The following KIAA0513 variants were observed in gnomAD, a reference collection of about 807,000 sequenced individuals.
The protein encoded by KIAA0513 is uncharacterized protein KIAA0513.
A neutral mutation model predicts 56.5 loss-of-function variants in KIAA0513; 39 were observed. The observed-to-expected ratio is 0.69, with a 90% CI of 0.53 to 0.90. KIAA0513 has a LOEUF of 0.90. Among genes scored for constraint, KIAA0513 ranks in the 40% least tolerant of loss-of-function variants. The pLI is 0.00. For synonymous variants in KIAA0513, 268 were observed against 215.6 expected (o/e 1.24, Z -2.13); for missense variants, 591 against 535.2 (o/e 1.10, Z -1.03).
chr16:85,061,615 G>A (rs184858094), intron 1 of KIAA0513, among the ~76,000 whole-genome samples: 66 of 152,332 alleles, frequency 4.3e-4, no homozygotes, highest in Admixed American at 3.3e-3. Flanking sequence ...CTCACAGAAA[G>A]TTCCAGATTC....
chr16:85,051,079 A>T (rs1221758203), intron 1 of KIAA0513, among the ~76,000 whole-genome samples: 1 of 152,056 alleles, frequency 6.6e-6, no homozygotes, highest in Non-Finnish European at 1.5e-5. Context: ...TAGGAATTTG[A>T]GGTTAACATT....
chr16:85,061,022 G>T (rs755056805), intron 1 of KIAA0513, among the ~76,000 whole-genome samples: 8 of 151,758 alleles, frequency 5.3e-5, no homozygotes, highest in African/African-American at 1.9e-4. Flanking sequence ...GCATGGTGGC[G>T]GGAGCCTGTA....
intron 1 of KIAA0513, among the ~76,000 whole-genome samples, chr16:85,053,672 C>A (rs2073286335): frequency 6.6e-6 from 1 of 152,026 alleles, no homozygotes; most frequent in African/African-American, 2.4e-5. Context: ...TCAGCCCAGG[C>A]AATATAGTGA....
At chr16:85,029,212 A>G (rs1311447468) in intron 1 of KIAA0513, among the ~76,000 whole-genome samples, 1 of 152,210 alleles carries the variant, frequency 6.6e-6, no homozygotes, top group Non-Finnish European at 1.5e-5. Context: ...AAGTTGACTC[A>G]TGAGATTTTT....
chr16:85,040,546 A>G (rs1309187782), intron 1 of KIAA0513, among the ~76,000 whole-genome samples: 2 of 152,086 alleles, frequency 1.3e-5, no homozygotes, highest in African/African-American at 2.4e-5. Context: ...AAGAAACTCC[A>G]ATGTCCATCA....
chr16:85,037,826 C>G (rs2073054873), intron 1 of KIAA0513, among the ~76,000 whole-genome samples: 1 of 152,168 alleles, frequency 6.6e-6, no homozygotes, highest in African/African-American at 2.4e-5. Context: ...AGTAGCATCT[C>G]TCACGTCCTC....
chr16:85,082,342 C>A (rs1567546360), intron 9 of KIAA0513, among the ~76,000 whole-genome samples: 1 of 152,072 alleles, frequency 6.6e-6, no homozygotes, highest in Non-Finnish European at 1.5e-5. Context: ...TGCCAGGAGA[C>A]CAGAACAGGG....
rs1287302121 is a variant in KIAA0513 at position 85,091,645 on chromosome 16, T to G, written c.*3320T>G. 1.3e-5 allele frequency: 2 copies of G among 152,232 alleles called. No homozygotes were observed. The highest frequency in any genetic ancestry group is 2.9e-5 in the Non-Finnish European group (2 of 68,060). 9.4% of individuals were successfully genotyped at this position (152,232 alleles called of 1,614,324 possible). ...ACCAAGTCTCGTCTTCTTTCCTTCC[T>G]GTGAGTTGAAACCAAACAGGCCTCT... On this transcript the variant is annotated 3_prime_UTR_variant, in exon 13 of 13. Coordinates refer to ENST00000683363, the MANE Select transcript of KIAA0513 (RefSeq NM_001388359.1).
At chr16:85,047,516 G>T (rs947398178) in intron 1 of KIAA0513, among the ~76,000 whole-genome samples, 6 of 152,324 alleles carry the variant, frequency 3.9e-5, no homozygotes, top group Admixed American at 2.6e-4. Flanking sequence ...AAAGCCAGCG[G>T]GTTTTTCACC....
At chr16:85,034,050 A>G (rs2073002657) in intron 1 of KIAA0513, among the ~76,000 whole-genome samples, 2 of 151,886 alleles carry the variant, frequency 1.3e-5, no homozygotes, top group Non-Finnish European at 2.9e-5. Flanking sequence ...TCGCCACAGC[A>G]CATCTGTTGG....
chr16:85,085,870 A>C (rs748280116), intron 10 of KIAA0513, among the ~76,000 whole-genome samples: 39 of 152,348 alleles, frequency 2.6e-4, no homozygotes, highest in South Asian at 2.5e-3. Flanking sequence ...ATGCCGTCTT[A>C]CTGGGTTTTC....
chr16:85,070,568 C>A (rs2073558487), intron 2 of KIAA0513, among the ~76,000 whole-genome samples: 1 of 152,128 alleles, frequency 6.6e-6, no homozygotes, highest in Non-Finnish European at 1.5e-5. Context: ...ATCCCTGCTA[C>A]TCGGGAGGCT....
chr16:85,077,289 C>T, intron 5 of KIAA0513, 136 bp from the exon 6 acceptor site: 1 of 770,742 alleles, frequency 1.3e-6, no homozygotes, highest in Non-Finnish European at 2.1e-6. Flanking sequence ...TGCACCACCC[C>T]CTGTCCTCGG....
In KIAA0513 at chr16:85,089,528, G is replaced by A; in HGVS notation, c.*1203G>A. 1 of 152,618 alleles carries A rather than the reference G, an allele frequency of 6.6e-6. No individual in the cohort carries two copies. The highest frequency in any genetic ancestry group is 1.5e-5 in the Non-Finnish European group (1 of 68,256). The allele number at this position is 152,618 out of a possible 1,614,324, so 9.5% of individuals were successfully genotyped here. On this transcript the variant is annotated 3_prime_UTR_variant, in exon 13 of 13. Transcript: ENST00000683363. This position sits in a 1 kb window ranked among gnomAD's most constrained non-coding sequence, Gnocchi z 4.2. ...CCTGACCCCAACACCTGCATGCTGG[G>A]TCCAGAGCCTTCTGTTTCACCGTGC...
At chr16:85,073,556 G>C (rs1343560482) in intron 4 of KIAA0513, among the ~76,000 whole-genome samples, 2 of 152,200 alleles carry the variant, frequency 1.3e-5, no homozygotes, top group African/African-American at 4.8e-5. Flanking sequence ...TGTGAGATTA[G>C]GGAGCCAGAC....
chr16:85,075,693 T>A, intron 4 of KIAA0513, 151 bp from the exon 5 acceptor site: 1 of 669,400 alleles, frequency 1.5e-6, no homozygotes. Context: ...GTAGTTCTCC[T>A]AATGGAACTT....
intron 12 of KIAA0513, 37 bp downstream of exon 12, chr16:85,087,203 G>C (rs373091610): frequency 1.5e-4 from 236 of 1,556,352 alleles, no homozygotes; most frequent in Non-Finnish European, 2.0e-4. Context: ...GAGGCGGGCA[G>C]GGCTGGGGTC....
intron 2 of KIAA0513, among the ~76,000 whole-genome samples, chr16:85,069,965 G>C (rs530709644): frequency 6.6e-6 from 1 of 151,096 alleles, no homozygotes; most frequent in East Asian, 2.0e-4. Flanking sequence ...AGGAGTTTGA[G>C]ACCAGCCTAG....
intron 4 of KIAA0513, among the ~76,000 whole-genome samples, chr16:85,074,595 C>T (rs2073629925): frequency 6.6e-6 from 1 of 152,150 alleles, no homozygotes; most frequent in African/African-American, 2.4e-5. Context: ...CCTATTTTTC[C>T]TGCTCTTGCT....
Sources: allele counts gnomAD v4.1 joint callset (sites outside exome capture counted in the v4.1 genomes callset), GRCh38; gene constraint gnomAD v4.1.1; non-coding constraint Gnocchi (gnomAD v3.1); transcripts MANE v1.5; gene names NCBI Gene and HGNC (gene_info 2026-07-23, HGNC 2026-07-21).